SOBP: variants seen among roughly 807,000 people sequenced by gnomAD.
SOBP encodes sine oculis-binding protein homolog.
SOBP carries 4 observed loss-of-function variants against 53.6 expected under a neutral mutation model. That is an observed-to-expected ratio of 0.07 (90% CI 0.04 to 0.17). The LOEUF is 0.17. SOBP is among the 10% of genes least tolerant of loss of function. The pLI, the probability that SOBP is intolerant of heterozygous loss-of-function variation, is 1.00. For synonymous variants in SOBP, 584 were observed against 522.6 expected (o/e 1.12, Z -1.60); for missense variants, 1,088 against 1,204.7 (o/e 0.90, Z 1.43).
intron 4 of SOBP, among the ~76,000 whole-genome samples, chr6:107,570,936 G>A (rs114186370): frequency 3.4e-3 from 518 of 152,266 alleles, no homozygotes; most frequent in African/African-American, 0.012. Flanking sequence ...TACGGTTTTC[G>A]TGAATGCGAA....
At chr6:107,621,790 C>A (rs1190852776) in intron 5 of SOBP, among the ~76,000 whole-genome samples, 4 of 152,196 alleles carry the variant, frequency 2.6e-5, no homozygotes, top group African/African-American at 7.2e-5. Context: ...GAGCTTAAGA[C>A]CACAGCCTGG....
chr6:107,608,616 T>G (rs1344103896), intron 5 of SOBP, among the ~76,000 whole-genome samples: 5 of 152,262 alleles, frequency 3.3e-5, no homozygotes, highest in Admixed American at 6.5e-5. Context: ...CATGCTGCAC[T>G]GTGCCCAGTG....
chr6:107,589,736 G>A (rs1056774810), intron 5 of SOBP, among the ~76,000 whole-genome samples: 1 of 152,146 alleles, frequency 6.6e-6, no homozygotes, highest in Non-Finnish European at 1.5e-5. Flanking sequence ...AAAATGAAAG[G>A]CTGTCAAGAT....
chr6:107,640,691 C>A (rs549572666), intron 6 of SOBP, among the ~76,000 whole-genome samples: 1 of 152,176 alleles, frequency 6.6e-6, no homozygotes, highest in East Asian at 1.9e-4. Context: ...TTTTAATGTA[C>A]AAGCATCCAA....
intron 5 of SOBP, among the ~76,000 whole-genome samples, chr6:107,611,294 G>A (rs953244682): frequency 1.2e-4 from 19 of 152,180 alleles, no homozygotes; most frequent in African/African-American, 3.9e-4. Flanking sequence ...AGGGGGCCCC[G>A]GTGGAGCCAA....
intron 4 of SOBP, among the ~76,000 whole-genome samples, chr6:107,580,845 G>C (rs1488105206): frequency 6.6e-6 from 1 of 152,090 alleles, no homozygotes; most frequent in Non-Finnish European, 1.5e-5. Context: ...AGTTGGTGAA[G>C]GTCTAGGTGT....
At chr6:107,545,310 A>G (rs1784267798) in intron 4 of SOBP, among the ~76,000 whole-genome samples, 2 of 152,180 alleles carry the variant, frequency 1.3e-5, no homozygotes, top group Admixed American at 1.3e-4. Context: ...GCAGACAGAA[A>G]CTTTGGGTAA....
Position 107,506,236 on chromosome 6 carries a change from T to C in SOBP, c.236-6T>C. 6.2e-7 allele frequency: 1 copy of C among 1,613,638 alleles called. No individual in the cohort carries two copies. The highest frequency in any genetic ancestry group is 8.5e-7 in the Non-Finnish European group (1 of 1,179,626). On this transcript the variant is annotated splice_polypyrimidine_tract_variant and splice_region_variant and intron_variant, in intron 2 of 6. Coordinates refer to ENST00000317357, the MANE Select transcript of SOBP (RefSeq NM_018013.4). ...TCACATTGAATATGATTTTTTTCTT[T>C]TACAGAAAATTCTTTGCCAAAACCA...
In SOBP at chr6:107,635,401, G is replaced by C; in HGVS notation, c.2557G>C (p.Gly853Arg). Residue 853 changes from glycine (G) to arginine (R), a missense_variant, in exon 6 of 7, where the codon GGG becomes CGG. Coordinates refer to ENST00000317357, the MANE Select transcript of SOBP (RefSeq NM_018013.4). This position sits in a 1 kb window ranked among gnomAD's most constrained non-coding sequence, Gnocchi z 4.5. ...CIISSPMLSA[G>R]PEDLEPPLKR... ...CATCTCCTCGCCCATGCTCAGCGCC[G>C]GGCCTGAGGACCTGGAGCCGCCGCT... The C allele has an allele frequency of 1.2e-6, 2 of 1,613,402 alleles. No individual in the cohort carries two copies. Among genetic ancestry groups the C allele is most frequent in the South Asian group, 1.1e-5 (1 of 91,084 alleles).
chr6:107,519,316 G>A (rs1783414301), intron 3 of SOBP, among the ~76,000 whole-genome samples: 2 of 150,208 alleles, frequency 1.3e-5, no homozygotes, highest in Non-Finnish European at 3.0e-5. Flanking sequence ...CAATGCACAG[G>A]ACAGCCCAAA....
At chr6:107,582,455 C>G (rs1446906616) in intron 4 of SOBP, among the ~76,000 whole-genome samples, 1 of 151,738 alleles carries the variant, frequency 6.6e-6, no homozygotes, top group Non-Finnish European at 1.5e-5. Context: ...TAATATTTAT[C>G]TAAATGTTAG....
chr6:107,647,135 G>T (rs1447839655), intron 6 of SOBP, among the ~76,000 whole-genome samples: 2 of 152,002 alleles, frequency 1.3e-5, no homozygotes, highest in Non-Finnish European at 2.9e-5. Context: ...AACCTCTCTG[G>T]GCCTGCATTT....
At chr6:107,529,670 T>C (rs1290971607) in intron 3 of SOBP, 19 of 957,706 alleles carry the variant, frequency 2.0e-5, no homozygotes, top group Non-Finnish European at 2.2e-5. Flanking sequence ...CACTGACCAA[T>C]GGCCATCCTT....
At chr6:107,545,288 G>A (rs1784266805) in intron 4 of SOBP, among the ~76,000 whole-genome samples, 2 of 152,192 alleles carry the variant, frequency 1.3e-5, no homozygotes, top group Admixed American at 6.5e-5. Context: ...TTACGTTAAC[G>A]TTAATACAAG....
intron 4 of SOBP, among the ~76,000 whole-genome samples, chr6:107,574,030 G>A (rs929063820): frequency 6.6e-6 from 1 of 152,184 alleles, no homozygotes; most frequent in Non-Finnish European, 1.5e-5. Flanking sequence ...AGATGAATAA[G>A]TGAATGAATG....
intron 1 of SOBP, among the ~76,000 whole-genome samples, chr6:107,490,919 AG>A (rs917562978): frequency 1.3e-5 from 2 of 152,002 alleles, no homozygotes; most frequent in African/African-American, 4.8e-5. Flanking sequence ...AGATTTGATG[AG>A]GGGGGACCAC....
At chr6:107,649,476 CA>C (rs113367905) in intron 6 of SOBP, among the ~76,000 whole-genome samples, 58 of 139,804 alleles carry the variant, frequency 4.1e-4, no homozygotes, top group Admixed American at 5.0e-4. Flanking sequence ...GACCCTGTCT[CA>C]AAAAAAAAAA....
At chr6:107,507,707 C>T (rs1053758827) in intron 3 of SOBP, among the ~76,000 whole-genome samples, 1 of 152,090 alleles carries the variant, frequency 6.6e-6, no homozygotes, top group South Asian at 2.1e-4. Flanking sequence ...CCAGGGAAGC[C>T]CAAAGGTTGG....
chr6:107,617,820 CTTTT>C (rs71551315), intron 5 of SOBP, among the ~76,000 whole-genome samples: 1 of 101,188 alleles, frequency 9.9e-6, no homozygotes, highest in African/African-American at 3.8e-5. Context: ...TGTATGACTC[CTTTT>C]TTTTTTTTTT....
Sources: gnomAD v4.1 joint callset for allele counts (sites outside exome capture counted in the v4.1 genomes callset) on GRCh38, gnomAD v4.1.1 for gene constraint, Gnocchi (gnomAD v3.1) non-coding constraint, MANE v1.5 for transcripts, NCBI Gene and HGNC (gene_info 2026-07-23, HGNC 2026-07-21) for gene names.